The following MICU2 variants were observed in gnomAD, a reference collection of about 807,000 sequenced individuals.
The protein encoded by MICU2 is mitochondrial calcium uptake 2.
Under a neutral mutation model 60.4 loss-of-function variants are expected in MICU2, and 64 were observed. The observed-to-expected ratio is 1.06, with a 90% CI of 0.87 to 1.31. MICU2 has a LOEUF of 1.31. MICU2 is among the 50% of genes most tolerant of loss of function. The probability of loss-of-function intolerance (pLI) is 0.00; values close to 1 mark genes in which losing one functional copy is unlikely to be tolerated. For synonymous variants in MICU2, 201 were observed against 175.0 expected, an observed-to-expected ratio of 1.15 and a Z score of -1.17; for missense variants, 569 against 531.0, an observed-to-expected ratio of 1.07 and a Z score of -0.70.
intron 7 of MICU2, among the ~76,000 whole-genome samples, chr13:21,512,421 T>C (rs539945576): frequency 6.6e-6 from 1 of 151,970 alleles, no homozygotes; most frequent in Non-Finnish European, 1.5e-5. Flanking sequence ...CTTGACAGTG[T>C]CCTCTGATGA....
intron 2 of MICU2, among the ~76,000 whole-genome samples, chr13:21,552,353 C>A (rs1887592578): frequency 6.6e-6 from 1 of 152,078 alleles, no homozygotes; most frequent in Non-Finnish European, 1.5e-5. Context: ...GAGTAGGTTG[C>A]AAAAATTTTC....
intron 6 of MICU2, among the ~76,000 whole-genome samples, chr13:21,520,060 T>C (rs550832209): frequency 6.6e-6 from 1 of 152,348 alleles, no homozygotes; most frequent in Non-Finnish European, 1.5e-5. Flanking sequence ...CTGCTTTTAG[T>C]AGGTAAGTCC....
intron 1 of MICU2, among the ~76,000 whole-genome samples, chr13:21,599,440 A>C (rs936727948): frequency 6.6e-6 from 1 of 152,232 alleles, no homozygotes; most frequent in African/African-American, 2.4e-5. Flanking sequence ...TAACATTGTA[A>C]TGGGAGTAAT....
At chr13:21,567,716 C>CT (rs987579751) in intron 1 of MICU2, among the ~76,000 whole-genome samples, 1 of 152,078 alleles carries the variant, frequency 6.6e-6, no homozygotes, top group Admixed American at 6.6e-5. Flanking sequence ...TTACAAAGAA[C>CT]TTTTTGTTGA....
chr13:21,546,438 A>C (rs1481045506), intron 2 of MICU2, among the ~76,000 whole-genome samples: 1 of 152,168 alleles, frequency 6.6e-6, no homozygotes, highest in African/African-American at 2.4e-5. Context: ...GGGAGAGGTA[A>C]GGGAAAGCTT....
intron 2 of MICU2, among the ~76,000 whole-genome samples, chr13:21,562,030 AG>A (rs1156618134): frequency 1.1e-4 from 16 of 151,124 alleles, no homozygotes; most frequent in Middle Eastern, 3.4e-3. Context: ...GTCCCTACAA[AG>A]GACATGAACT....
At chr13:21,603,685 G>A (rs1000405153) in intron 1 of MICU2, 2 of 547,180 alleles carry the variant, frequency 3.7e-6, no homozygotes, top group Non-Finnish European at 3.2e-6. Context: ...TGTGGGCCGT[G>A]GTGTTCAGCG....
intron 4 of MICU2, among the ~76,000 whole-genome samples, chr13:21,523,921 C>T (rs1886787212): frequency 6.6e-6 from 1 of 152,124 alleles, no homozygotes; most frequent in African/African-American, 2.4e-5. Flanking sequence ...ATTTAGAGCA[C>T]GAGAATGTAG....
At position 21,493,008 on chromosome 13, in the gene MICU2, C is replaced by A; in HGVS notation, c.*241G>T. On this transcript the variant is annotated 3_prime_UTR_variant, in exon 12 of 12. Coordinates refer to ENST00000382374, the MANE Select transcript of MICU2 (RefSeq NM_152726.3). ...TGAATCACTAAGTTTTCCATCTTAC[C>A]GAAGTACAAAACATTATTTCAAATC... 1 of 274,582 alleles carries A rather than the reference C, an allele frequency of 3.6e-6. No homozygotes were observed. The allele number at this position is 274,582 out of a possible 1,614,324, so 17.0% of individuals were successfully genotyped here. A position where few individuals can be genotyped will look rare whatever the true frequency, so the allele number is the denominator to read the frequency against.
chr13:21,569,230 C>A (rs1347841380), intron 1 of MICU2, among the ~76,000 whole-genome samples: 3 of 152,218 alleles, frequency 2.0e-5, no homozygotes, highest in Non-Finnish European at 4.4e-5. Flanking sequence ...GGTATAAAAC[C>A]TTCCAACAAC....
At chr13:21,567,134 G>C (rs974220576) in intron 1 of MICU2, among the ~76,000 whole-genome samples, 190 bp from the exon 2 acceptor site, 2 of 152,140 alleles carry the variant, frequency 1.3e-5, no homozygotes, top group African/African-American at 4.8e-5. Flanking sequence ...AGACTAACTT[G>C]AGGGAAGTGA....
Position 21,554,847 on chromosome 13 carries a change from G to A in MICU2, c.358+11950C>T, listed in dbSNP as rs182595283. On this transcript the variant is annotated intron_variant, in intron 2 of 11. Transcript: ENST00000382374. ...AAATGATAAAGGGGATATCACCACCGACCCCACAGAAATACAAACTACCAT... is the reference window on the plus strand; with the variant it reads ...AAATGATAAAGGGGATATCACCACCAACCCCACAGAAATACAAACTACCAT... Among the ~76,000 whole-genome samples, 732 of 152,104 alleles carry A rather than the reference G, an allele frequency of 4.8e-3. 7 individuals carry two copies. Among genetic ancestry groups the A allele is most frequent in the African/African-American group, 0.016 (670 of 41,500 alleles).
chr13:21,563,240 G>A (rs1302596186), intron 2 of MICU2, among the ~76,000 whole-genome samples: 1 of 152,096 alleles, frequency 6.6e-6, no homozygotes, highest in Non-Finnish European at 1.5e-5. Context: ...CGGATCATGA[G>A]GTCACGAGAT....
chr13:21,539,253 C>T (rs1423229158), intron 4 of MICU2, 49 bp downstream of exon 4: 1 of 1,456,826 alleles, frequency 6.9e-7, no homozygotes, highest in Non-Finnish European at 9.6e-7. Context: ...AATAATACTT[C>T]AGTTAAATAA....
intron 1 of MICU2, among the ~76,000 whole-genome samples, chr13:21,573,640 G>A (rs773208367): frequency 1.3e-5 from 2 of 151,722 alleles, no homozygotes; most frequent in Non-Finnish European, 2.9e-5. Flanking sequence ...AAACTGATCC[G>A]TTTTAGTTTC....
intron 9 of MICU2, chr13:21,496,637 T>G (rs1886004569): frequency 6.5e-6 from 1 of 154,458 alleles, no homozygotes; most frequent in African/African-American, 2.4e-5. Context: ...GTGTATGACC[T>G]TAGCCTCTCT....
At chr13:21,588,805 C>T (rs1002957299) in intron 1 of MICU2, among the ~76,000 whole-genome samples, 32 of 152,138 alleles carry the variant, frequency 2.1e-4, no homozygotes, top group African/African-American at 7.2e-4. Flanking sequence ...TTGGATCTTT[C>T]GACTCTCAGG....
At chr13:21,568,844 G>GT (rs11370071) in intron 1 of MICU2, among the ~76,000 whole-genome samples, 90,334 of 150,300 alleles carry the variant, frequency 0.6, 27,616 homozygotes, top group African/African-American at 0.73. Flanking sequence ...AAGAAATTCT[G>GT]TTTTTTTTTT....
At chr13:21,594,864 A>AC (rs1376307944) in intron 1 of MICU2, among the ~76,000 whole-genome samples, 1 of 151,738 alleles carries the variant, frequency 6.6e-6, no homozygotes, top group Non-Finnish European at 1.5e-5. Context: ...AACAACACAC[A>AC]CCCGGGCCTG....
Sources: allele counts gnomAD v4.1 joint callset (sites outside exome capture counted in the v4.1 genomes callset), GRCh38; gene constraint gnomAD v4.1.1; transcripts MANE v1.5; gene names NCBI Gene and HGNC (gene_info 2026-07-23, HGNC 2026-07-21).